EML1: variants seen among roughly 807,000 people sequenced by gnomAD.
EML1 encodes EMAP like 1.
In EML1, 27 loss-of-function variants were observed where a neutral mutation model predicts 110.4. The ratio of observed to expected loss-of-function variants is 0.24; its 90% CI spans 0.18 to 0.34. The LOEUF is 0.34. Ranked by LOEUF, EML1 falls within the 10% of genes least tolerant of loss-of-function variation. The pLI is 1.00. For synonymous variants in EML1, 344 were observed against 385.8 expected (o/e 0.89, Z 1.27); for missense variants, 741 against 1,030.9 (o/e 0.72, Z 3.85).
chr14:99,770,404 T>TATCTATCTATCTATCTATC (rs1464851037), upstream of EML1, among the ~76,000 whole-genome samples: 4 of 152,108 alleles, frequency 2.6e-5, no homozygotes, highest in African/African-American at 9.7e-5. Context: ...TCTATCTATC[T>TATCTATCTATCTATCTATC]ATCTTTTTTA....
At chr14:99,749,789 C>T (rs913466782) in intron 1 of EML1, among the ~76,000 whole-genome samples, 4 of 152,144 alleles carry the variant, frequency 2.6e-5, no homozygotes, top group African/African-American at 4.8e-5. Flanking sequence ...CGAGTGACCC[C>T]GACATGTCTA....
chr14:99,856,071 A>G (rs1261679225), intron 2 of EML1, among the ~76,000 whole-genome samples: 1 of 151,886 alleles, frequency 6.6e-6, no homozygotes, highest in Non-Finnish European at 1.5e-5. Context: ...CACTCATTTC[A>G]CCCCTCCACG....
chr14:99,853,586 G>A (rs1051664160), intron 2 of EML1, among the ~76,000 whole-genome samples: 1 of 152,184 alleles, frequency 6.6e-6, no homozygotes, highest in Non-Finnish European at 1.5e-5. Context: ...ATCTCCTTTG[G>A]TTTTAAGTGG....
At chr14:99,826,708 G>GA (rs142626728) in intron 1 of EML1, among the ~76,000 whole-genome samples, 134 of 140,118 alleles carry the variant, frequency 9.6e-4, no homozygotes, top group Middle Eastern at 3.5e-3. Flanking sequence ...TGCTTCTTGG[G>GA]AAAAAAAAAC....
chr14:99,893,522 C>T (rs1449289151), intron 5 of EML1, among the ~76,000 whole-genome samples: 5 of 152,152 alleles, frequency 3.3e-5, no homozygotes, highest in Admixed American at 2.6e-4. Flanking sequence ...AGACCTGAAG[C>T]GCATACACAC....
intron 10 of EML1, 25 bp downstream of exon 10, chr14:99,907,758 C>A (rs2059877320): frequency 6.2e-7 from 1 of 1,610,892 alleles, no homozygotes. Flanking sequence ...CTTTTTTGGG[C>A]TGCATTAACA....
At chr14:99,841,862 T>C (rs541711251) in intron 1 of EML1, among the ~76,000 whole-genome samples, 6 of 152,152 alleles carry the variant, frequency 3.9e-5, no homozygotes, top group Non-Finnish European at 4.4e-5. Context: ...TAGACGCAGT[T>C]ACACACTGCC....
At chr14:99,812,534 A>G (rs1457749216) in intron 1 of EML1, among the ~76,000 whole-genome samples, 3 of 151,648 alleles carry the variant, frequency 2.0e-5, no homozygotes, top group African/African-American at 7.3e-5. Flanking sequence ...CGGCTGCACA[A>G]TGCGCCTCCC....
chr14:99,856,787 G>T lies in EML1; in HGVS notation c.250+5752G>T, dbSNP rs141930299. 2.6e-3 allele frequency among the ~76,000 whole-genome samples: 392 copies of T among 152,240 alleles called. 2 individuals carry two copies. Among genetic ancestry groups the T allele is most frequent in the African/African-American group, 8.9e-3 (370 of 41,544 alleles). On this transcript the variant is annotated intron_variant, in intron 2 of 21. Coordinates refer to ENST00000262233, the MANE Select transcript of EML1 (RefSeq NM_004434.3). ...TTGTATTATGAAAATGTTCTCAAAT[G>T]TGTACAAAAGTAGAAAGAAGAGTAC...
At chr14:99,818,428 T>C (rs1483560105) in intron 1 of EML1, among the ~76,000 whole-genome samples, 1 of 152,114 alleles carries the variant, frequency 6.6e-6, no homozygotes, top group African/African-American at 2.4e-5. Flanking sequence ...TAGGCAGGAT[T>C]TGATGATTGA....
At chr14:99,803,629 G>A (rs1056530579) in intron 1 of EML1, among the ~76,000 whole-genome samples, 1 of 152,154 alleles carries the variant, frequency 6.6e-6, no homozygotes, top group Non-Finnish European at 1.5e-5. Flanking sequence ...AGAGACGTTT[G>A]CAAAAAGCAT....
At position 99,880,851 on chromosome 14, in the gene EML1, G is replaced by A. The variant is rs76259450; in HGVS notation, c.518+2232G>A. Among the ~76,000 whole-genome samples, 26 of 152,302 alleles carry A rather than the reference G, an allele frequency of 1.7e-4. No individual in the cohort carries two copies. In the East Asian group the frequency reaches 4.8e-3, roughly 28 times the overall value. ...GAGCTAACTTGTAGGAAATTATCCAGCGTAGGGCTTGGCACTCAGTAAATG... is the reference window on the plus strand; with the variant it reads ...GAGCTAACTTGTAGGAAATTATCCAACGTAGGGCTTGGCACTCAGTAAATG... On this transcript the variant is annotated intron_variant, in intron 4 of 21. Coordinates refer to ENST00000262233, the MANE Select transcript of EML1 (RefSeq NM_004434.3).
chr14:99,775,962 G>A (rs1428824869), intron 1 of EML1, among the ~76,000 whole-genome samples: 23 of 152,160 alleles, frequency 1.5e-4, no homozygotes, highest in Non-Finnish European at 2.9e-5. Flanking sequence ...ACAATTTCAT[G>A]ATACAGTTTA....
chr14:99,939,137 C>T lies in EML1; in HGVS notation c.2192-60C>T, dbSNP rs922582304. The stretch of plus-strand genomic sequence containing the variant: ...AGGACCGTTCAGTGGGCGCTTCCTG[C>T]GCCATGTGGCCCTGTGGCCCCTGGT... On this transcript the variant is annotated intron_variant, in intron 20 of 21. Coordinates refer to ENST00000262233, the MANE Select transcript of EML1 (RefSeq NM_004434.3). The surrounding 1 kb of genome is among the most constrained non-coding windows in gnomAD (Gnocchi z 4.2). 1.3e-5 allele frequency: 21 copies of T among 1,592,864 alleles called. No individual in the cohort carries two copies. The highest frequency in any genetic ancestry group is 3.6e-4 in the Middle Eastern group (2 of 5,596).
At chr14:99,908,059 C>T (rs765969045) in intron 10 of EML1, among the ~76,000 whole-genome samples, 4 of 152,214 alleles carry the variant, frequency 2.6e-5, no homozygotes, top group South Asian at 2.1e-4. Flanking sequence ...GCCACGTGCT[C>T]GCACGGCACG....
At chr14:99,835,792 A>G (rs2058530902) in intron 1 of EML1, among the ~76,000 whole-genome samples, 1 of 152,178 alleles carries the variant, frequency 6.6e-6, no homozygotes, top group African/African-American at 2.4e-5. Context: ...TTTGCTGAAA[A>G]TACTCTTCTT....
rs567609792 is a variant in EML1, at chr14:99,830,010, G to T, written c.68-20843G>T. Among the ~76,000 whole-genome samples, 4 of 152,276 alleles carry T rather than the reference G, an allele frequency of 2.6e-5. No individual in the cohort carries two copies. The South Asian group carries it at 8.3e-4, about 32-fold the overall frequency. Reference sequence around the variant, plus strand: ...TTCAGTTCTATTGCGTGTCTACCTAGGAGTAGAATTGCCGGATCATATGGT... The same window carrying T: ...TTCAGTTCTATTGCGTGTCTACCTATGAGTAGAATTGCCGGATCATATGGT... On this transcript the variant is annotated intron_variant, in intron 1 of 21. Transcript: ENST00000262233.
At chr14:99,888,951 C>T (rs61986017) in intron 4 of EML1, among the ~76,000 whole-genome samples, 27,799 of 152,030 alleles carry the variant, frequency 0.18, 2,949 homozygotes, top group East Asian at 0.43. Flanking sequence ...CCCGCTCAGA[C>T]GCACTCCGCT....
At chr14:99,737,764 G>A (rs949007496) in exon 1 of EML1, 10 of 1,284,144 alleles carry the variant, frequency 7.8e-6, no homozygotes, top group Non-Finnish European at 1.0e-5. Flanking sequence ...CTGCTGGGTG[G>A]GTGACAGCCG....
Sources: gnomAD v4.1 joint callset for allele counts (sites outside exome capture counted in the v4.1 genomes callset) on GRCh38, gnomAD v4.1.1 for gene constraint, Gnocchi (gnomAD v3.1) non-coding constraint, MANE v1.5 for transcripts, NCBI Gene and HGNC (gene_info 2026-07-23, HGNC 2026-07-21) for gene names.